Variants in THADA observed in about 807,000 individuals in gnomAD.
The protein encoded by THADA is THADA armadillo repeat containing.
In THADA, 213 loss-of-function variants were observed where a neutral mutation model predicts 219.8. The ratio of observed to expected loss-of-function variants is 0.97; its 90% CI spans 0.87 to 1.09. The LOEUF (loss-of-function observed/expected upper bound fraction) is 1.09, where lower values mean the gene tolerates loss of function less well. THADA is among the 50% of genes least tolerant of loss of function. The probability of loss-of-function intolerance (pLI) is 0.00; values close to 1 mark genes in which losing one functional copy is unlikely to be tolerated. For synonymous variants in THADA, 1,018 were observed against 828.9 expected, an observed-to-expected ratio of 1.23 and a Z score of -3.92; for missense variants, 2,956 against 2,311.3, an observed-to-expected ratio of 1.28 and a Z score of -5.72.
chr2:43,515,379 T>C (rs1298436896), intron 22 of THADA, among the ~76,000 whole-genome samples: 8 of 99,614 alleles, frequency 8.0e-5, no homozygotes, highest in African/African-American at 3.4e-4. Flanking sequence ...ATATAATATA[T>C]AATATTTTAT....
At chr2:43,279,712 C>A (rs1340583876) in intron 36 of THADA, 53 bp downstream of exon 36, 2 of 1,510,298 alleles carry the variant, frequency 1.3e-6, no homozygotes, top group East Asian at 5.2e-5. Flanking sequence ...GAAAAGTGTT[C>A]CAACCTCTAT....
intron 30 of THADA, among the ~76,000 whole-genome samples, chr2:43,326,203 G>A (rs1185190557): frequency 6.6e-6 from 1 of 151,398 alleles, no homozygotes; most frequent in Admixed American, 6.6e-5. Context: ...AGCCACTAGT[G>A]TAGTTGGGAA....
chr2:43,425,525 T>C (rs913427565), intron 28 of THADA, among the ~76,000 whole-genome samples: 1 of 151,712 alleles, frequency 6.6e-6, no homozygotes, highest in African/African-American at 2.4e-5. Flanking sequence ...TTAATTTTGC[T>C]ACTCAAAATG....
intron 21 of THADA, among the ~76,000 whole-genome samples, chr2:43,538,257 A>G (rs1215425102): frequency 2.6e-5 from 4 of 152,330 alleles, no homozygotes; most frequent in Non-Finnish European, 4.4e-5. Flanking sequence ...TGAAAACTCC[A>G]CACACATCAA....
At chr2:43,358,749 G>C (rs1272704650) in intron 29 of THADA, among the ~76,000 whole-genome samples, 1 of 152,172 alleles carries the variant, frequency 6.6e-6, no homozygotes, top group Non-Finnish European at 1.5e-5. Context: ...ACCTGAGTGG[G>C]CCTGAGACAG....
intron 22 of THADA, among the ~76,000 whole-genome samples, chr2:43,514,607 T>C (rs1690973161): frequency 2.2e-5 from 2 of 89,992 alleles, no homozygotes; most frequent in South Asian, 6.0e-4. Context: ...ATTTTATATA[T>C]ATTTTATATA....
At chr2:43,304,727 A>C (rs1676655056) in intron 31 of THADA, among the ~76,000 whole-genome samples, 1 of 147,296 alleles carries the variant, frequency 6.8e-6, no homozygotes, top group African/African-American at 2.6e-5. Context: ...GCTGGAGTGC[A>C]GTGGTGCAAT....
At chr2:43,241,916 A>G (rs1008248721) in intron 36 of THADA, among the ~76,000 whole-genome samples, 3 of 152,132 alleles carry the variant, frequency 2.0e-5, no homozygotes, top group Non-Finnish European at 4.4e-5. Flanking sequence ...GAGTCCCTCA[A>G]CCAAACCTCA....
chr2:43,542,781 T>C (rs1286756519), intron 20 of THADA, among the ~76,000 whole-genome samples: 1 of 152,230 alleles, frequency 6.6e-6, no homozygotes, highest in African/African-American at 2.4e-5. Context: ...AGGCAGGTTT[T>C]ATCACTCCAA....
intron 26 of THADA, among the ~76,000 whole-genome samples, chr2:43,434,297 C>T (rs185186701): frequency 3.2e-4 from 49 of 152,280 alleles, no homozygotes; most frequent in Non-Finnish European, 5.4e-4. Context: ...TCCCAAGCTC[C>T]CACTGATATG....
chr2:43,264,665 C>T (rs575688930), intron 36 of THADA, among the ~76,000 whole-genome samples: 23 of 151,890 alleles, frequency 1.5e-4, no homozygotes, highest in Non-Finnish European at 8.8e-5. Context: ...CTGTTTGTAG[C>T]CAAGGTGGAA....
rs772738489 is a variant in THADA at position 43,556,350 on chromosome 2, A to G, written c.2669T>C (p.Leu890Ser). Residue 890 changes from leucine to serine, a missense_variant, in exon 17 of 38, where the codon TTA (leucine) becomes TCA (serine). By Grantham distance (145) the Leu-to-Ser change is moderately radical. Transcript: ENST00000405975. ...GAGCAAACATCAATACAAACCCATT[A>G]ATGTGTTCCTTTCCACCACAGCAGC... ...RPAAVVERNT[L>S]MVIKCLMENL... 2.5e-6 allele frequency: 4 copies of G among 1,613,766 alleles called. No individual in the cohort carries two copies. Among genetic ancestry groups the G allele is most frequent in the Non-Finnish European group, 3.4e-6 (4 of 1,179,788 alleles).
chr2:43,555,532 C>T, intron 17 of THADA, among the ~76,000 whole-genome samples: 1 of 152,064 alleles, frequency 6.6e-6, no homozygotes. Context: ...ACCTCAATTG[C>T]AGTCCTCTTC....
chr2:43,461,785 G>A (rs1272889238), intron 26 of THADA, among the ~76,000 whole-genome samples: 8 of 152,176 alleles, frequency 5.3e-5, no homozygotes. Context: ...CCTGATCTCT[G>A]GCTACCCTGC....
intron 31 of THADA, among the ~76,000 whole-genome samples, chr2:43,297,863 G>T (rs1384649933): frequency 8.8e-6 from 1 of 113,838 alleles, no homozygotes; most frequent in Non-Finnish European, 1.8e-5. Context: ...CGCCCCGTCC[G>T]GGAGGTGAGG....
intron 36 of THADA, among the ~76,000 whole-genome samples, chr2:43,251,214 A>G (rs1669775676): frequency 6.6e-6 from 1 of 152,228 alleles, no homozygotes; most frequent in African/African-American, 2.4e-5. Flanking sequence ...TGCAGAGAGC[A>G]GAGATCAGAT....
intron 29 of THADA, among the ~76,000 whole-genome samples, chr2:43,369,880 A>C (rs1046436998): frequency 8.5e-5 from 13 of 152,232 alleles, no homozygotes; most frequent in African/African-American, 3.1e-4. Context: ...CTGAAAATTA[A>C]TTTGGACTTA....
At chr2:43,416,075 T>C (rs1052930065) in intron 28 of THADA, among the ~76,000 whole-genome samples, 19 of 152,206 alleles carry the variant, frequency 1.2e-4, no homozygotes, top group African/African-American at 4.3e-4. Flanking sequence ...ATTATGCAGG[T>C]TATAATTAGT....
chr2:43,481,270 ATT>A (rs1410068623), intron 26 of THADA, among the ~76,000 whole-genome samples: 1 of 152,212 alleles, frequency 6.6e-6, no homozygotes, highest in Non-Finnish European at 1.5e-5. Context: ...AATAAATACA[ATT>A]TAACATCTCC....
Sources: allele counts gnomAD v4.1 joint callset (sites outside exome capture counted in the v4.1 genomes callset), GRCh38; gene constraint gnomAD v4.1.1; transcripts MANE v1.5; gene names NCBI Gene and HGNC (gene_info 2026-07-23, HGNC 2026-07-21).